BABAM2: variants seen among roughly 807,000 people sequenced by gnomAD.
The protein encoded by BABAM2 is BRISC and BRCA1-A complex member 2.
BABAM2 carries 31 observed loss-of-function variants against 54.7 expected under a neutral mutation model. That is an observed-to-expected ratio of 0.57 (90% CI 0.43 to 0.77). BABAM2 has a LOEUF of 0.77. Among genes scored for constraint, BABAM2 ranks in the 30% least tolerant of loss-of-function variants. The pLI is 0.00. For synonymous variants in BABAM2, 167 were observed against 162.9 expected (o/e 1.03, Z -0.19); for missense variants, 364 against 455.8 (o/e 0.80, Z 1.83).
intron 10 of BABAM2, among the ~76,000 whole-genome samples, chr2:28,289,331 GC>G (rs1200780431): frequency 1.3e-5 from 2 of 151,894 alleles, no homozygotes; most frequent in East Asian, 3.9e-4. Flanking sequence ...ACTGATTTCT[GC>G]GTCTGTGAAT....
chr2:27,950,013 A>G (rs746797273), intron 3 of BABAM2, among the ~76,000 whole-genome samples: 1 of 152,180 alleles, frequency 6.6e-6, no homozygotes, highest in African/African-American at 2.4e-5. Context: ...AGATTAACCA[A>G]TGCAAGTGTT....
chr2:28,208,870 C>A (rs953416515), intron 7 of BABAM2, among the ~76,000 whole-genome samples: 1 of 152,044 alleles, frequency 6.6e-6, no homozygotes, highest in Non-Finnish European at 1.5e-5. Context: ...TGCCCCAGTC[C>A]CTGGTGAACA....
At chr2:28,281,459 C>T (rs1686353735) in intron 10 of BABAM2, among the ~76,000 whole-genome samples, 1 of 152,118 alleles carries the variant, frequency 6.6e-6, no homozygotes, top group Admixed American at 6.5e-5. Flanking sequence ...TGTGACCCCC[C>T]CGAGCCCCAC....
intron 6 of BABAM2, among the ~76,000 whole-genome samples, chr2:28,100,140 G>A (rs12623911): frequency 0.059 from 8,940 of 151,594 alleles, 312 homozygotes; most frequent in East Asian, 0.15. Context: ...TCTTTAAGAG[G>A]CCTGAGTTTT....
chr2:28,024,497 C>T (rs561836263), intron 4 of BABAM2, among the ~76,000 whole-genome samples: 10 of 152,014 alleles, frequency 6.6e-5, no homozygotes, highest in Admixed American at 1.3e-4. Flanking sequence ...ATATTCTGTG[C>T]GACACAATGA....
At chr2:28,096,411 A>G (rs991631976) in intron 6 of BABAM2, among the ~76,000 whole-genome samples, 6 of 150,958 alleles carry the variant, frequency 4.0e-5, no homozygotes, top group Admixed American at 6.6e-5. Flanking sequence ...GCTATGGTGG[A>G]GAAAATAAAG....
chr2:28,205,909 C>T (rs1678793515), intron 7 of BABAM2, among the ~76,000 whole-genome samples: 3 of 152,092 alleles, frequency 2.0e-5, no homozygotes, highest in Admixed American at 1.3e-4. Flanking sequence ...ATTAAAAATT[C>T]TGTTGCTGGC....
At chr2:27,989,236 C>A (rs577106303) in intron 4 of BABAM2, among the ~76,000 whole-genome samples, 1 of 152,238 alleles carries the variant, frequency 6.6e-6, no homozygotes, top group East Asian at 1.9e-4. Flanking sequence ...TCACCACAGA[C>A]TTCTTCTGTA....
intron 7 of BABAM2, chr2:28,233,052 G>C: frequency 3.0e-6 from 1 of 328,600 alleles, no homozygotes; most frequent in Non-Finnish European, 6.3e-6. Flanking sequence ...TTCTAAGAAT[G>C]ATCAACTAAT....
chr2:28,184,260 CT>C, intron 7 of BABAM2, among the ~76,000 whole-genome samples: 2 of 62,662 alleles, frequency 3.2e-5, no homozygotes, highest in South Asian at 1.3e-3. Context: ...CCCTCCCTCC[CT>C]CCCTCTCTCT....
chr2:28,323,671 G>A (rs1690213742), intron 11 of BABAM2, among the ~76,000 whole-genome samples: 1 of 152,274 alleles, frequency 6.6e-6, no homozygotes, highest in South Asian at 2.1e-4. Context: ...TATGCGGGAT[G>A]ATGTTACCTC....
chr2:27,989,545 A>C lies in BABAM2; in HGVS notation c.300+1458A>C, dbSNP rs1672637702. On this transcript the variant is annotated intron_variant, in intron 4 of 11. Transcript: ENST00000379624. The stretch of plus-strand genomic sequence containing the variant: ...TGTAAGTCAATATAAGGAAGGGATC[A>C]ACAAGGTTAGAAAGGTAAATTGGGA... Among the ~76,000 whole-genome samples, 3 of 152,206 alleles carry C rather than the reference A, an allele frequency of 2.0e-5. No individual in the cohort carries two copies. The South Asian group carries it at 6.2e-4, about 32-fold the overall frequency.
At position 28,154,907 on chromosome 2, in the gene BABAM2, A is replaced by G. The variant is rs149361962; in HGVS notation, c.680+25527A>G. ...CTTAAGTAAACAAGTATATGAATAC[A>G]CTTTATAGTTGAGAATCAGTCTTTC... On this transcript the variant is annotated intron_variant, in intron 7 of 11. Transcript: ENST00000379624. Among the ~76,000 whole-genome samples, 306 of 152,294 alleles carry G rather than the reference A, an allele frequency of 2.0e-3. 2 individuals carry two copies. The highest frequency in any genetic ancestry group is 6.9e-3 in the African/African-American group (287 of 41,554).
intron 6 of BABAM2, among the ~76,000 whole-genome samples, chr2:28,076,030 A>G (rs1356748948): frequency 1.3e-5 from 2 of 152,158 alleles, no homozygotes; most frequent in Non-Finnish European, 2.9e-5. Flanking sequence ...TTGGAAGGCT[A>G]AGGTGGGCGG....
At chr2:27,971,798 A>C (rs556569472) in intron 3 of BABAM2, among the ~76,000 whole-genome samples, 1 of 152,110 alleles carries the variant, frequency 6.6e-6, no homozygotes, top group South Asian at 2.1e-4. Flanking sequence ...CAACAATCAT[A>C]GAAAGGTTGA....
At chr2:27,971,331 A>G (rs115245975) in intron 3 of BABAM2, among the ~76,000 whole-genome samples, 439 of 152,268 alleles carry the variant, frequency 2.9e-3, no homozygotes, top group Non-Finnish European at 4.8e-3. Context: ...ATCTTTAGAG[A>G]ATGAGAAAAC....
Position 28,338,672 on chromosome 2 carries a change from C to A in BABAM2, c.*159C>A. ...CCAGGCAGCCCCGACTGCTGAAATC[C>A]AACTTGAGCTGGCTGGTGGTCCCTG... On this transcript the variant is annotated 3_prime_UTR_variant, in exon 12 of 12. Transcript: ENST00000379624. 1 of 758,868 alleles carries A rather than the reference C, an allele frequency of 1.3e-6. No homozygotes were observed. Among genetic ancestry groups the A allele is most frequent in the Non-Finnish European group, 2.2e-6 (1 of 461,496 alleles). 47.0% of individuals were successfully genotyped at this position (758,868 alleles called of 1,614,324 possible). A position where few individuals can be genotyped will look rare whatever the true frequency, so the allele number is the denominator to read the frequency against.
At chr2:28,243,419 C>G (rs1420740643) in intron 9 of BABAM2, among the ~76,000 whole-genome samples, 4 of 152,094 alleles carry the variant, frequency 2.6e-5, no homozygotes, top group Non-Finnish European at 5.9e-5. Context: ...GTAATCCCAG[C>G]TACTTGGGAG....
At chr2:28,276,788 A>G (rs1685916682) in intron 10 of BABAM2, among the ~76,000 whole-genome samples, 1 of 152,246 alleles carries the variant, frequency 6.6e-6, no homozygotes, top group East Asian at 1.9e-4. Context: ...AATAGCTTGC[A>G]AAGGCTTCAT....
Sources: gnomAD v4.1 joint callset for allele counts (sites outside exome capture counted in the v4.1 genomes callset) on GRCh38, gnomAD v4.1.1 for gene constraint, MANE v1.5 for transcripts, NCBI Gene and HGNC (gene_info 2026-07-23, HGNC 2026-07-21) for gene names.